SBNO2: variants seen among roughly 807,000 people sequenced by gnomAD.
SBNO2 encodes the protein strawberry notch homolog 2, also known as protein strawberry notch homolog 2.
A neutral mutation model predicts 146.3 loss-of-function variants in SBNO2; 89 were observed. The ratio of observed to expected loss-of-function variants is 0.61; its 90% CI spans 0.51 to 0.73. SBNO2 has a LOEUF of 0.73. Ranked by LOEUF, SBNO2 falls within the 30% of genes least tolerant of loss-of-function variation. The pLI is 0.00. For synonymous variants in SBNO2, 1,147 were observed against 892.6 expected (o/e 1.29, Z -5.08); for missense variants, 2,092 against 2,003.7 (o/e 1.04, Z -0.84).
Position 1,170,080 on chromosome 19 carries a change from G to A in SBNO2, c.-127+4092C>T, listed in dbSNP as rs538785490. Among the ~76,000 whole-genome samples, 606 of 152,308 alleles carry A rather than the reference G, an allele frequency of 4.0e-3. 7 individuals are homozygous for A. Among genetic ancestry groups the A allele is most frequent in the African/African-American group, 0.014 (577 of 41,568 alleles). ...GGAGTCACGTGCCGTGGCCTTTTGCGTCTGGCGTCTCTCCGCAAGCACGTC... is the reference window on the plus strand; with the variant it reads ...GGAGTCACGTGCCGTGGCCTTTTGCATCTGGCGTCTCTCCGCAAGCACGTC... On this transcript the variant is annotated intron_variant, in intron 1 of 31. Coordinates refer to ENST00000361757, the MANE Select transcript of SBNO2 (RefSeq NM_014963.3).
Position 1,108,079 on chromosome 19 carries a change from G to A in SBNO2, c.*141C>T. The stretch of plus-strand genomic sequence containing the variant: ...GCCAGGGCTGACCAGGTGGGGGCCC[G>A]GGTCGGGCGCTGAAGGCACTGCGGC... On this transcript the variant is annotated 3_prime_UTR_variant, in exon 32 of 32. Transcript: ENST00000361757. The A allele has an allele frequency of 1.0e-6, 1 of 977,662 alleles. No homozygotes were observed. The allele number at this position is 977,662 out of a possible 1,614,324, so 60.6% of individuals were successfully genotyped here.
rs1429592859 is a variant in SBNO2 at position 1,140,027 on chromosome 19, C to T, written c.279+7282G>A. Among the ~76,000 whole-genome samples, 2 of 152,066 alleles carry T rather than the reference C, an allele frequency of 1.3e-5. No individual in the cohort carries two copies. The highest frequency in any genetic ancestry group is 6.6e-5 in the Admixed American group (1 of 15,260). The stretch of plus-strand genomic sequence containing the variant: ...ATAAAGAAGAAATGCAGGCCGGGCG[C>T]GGTGGCTCACGCCTGTAATCCCAAT... On this transcript the variant is annotated intron_variant, in intron 4 of 31. Transcript: ENST00000361757. The surrounding 1 kb of genome is among the most constrained non-coding windows in gnomAD (Gnocchi z 4.4).
intron 14 of SBNO2, 135 bp from the exon 15 acceptor site, chr19:1,117,634 G>A (rs1312833059): frequency 1.5e-5 from 13 of 887,458 alleles, no homozygotes; most frequent in Non-Finnish European, 2.2e-5. Flanking sequence ...GGGGTGCTGG[G>A]GGTGTGCACT....
chr19:1,112,895 C>T lies in SBNO2; in HGVS notation c.2302G>A (p.Glu768Lys), dbSNP rs758776122. Residue 768 changes from glutamate to lysine, a missense_variant, in exon 20 of 32, where the codon GAG becomes AAG. Coordinates refer to ENST00000361757, the MANE Select transcript of SBNO2 (RefSeq NM_014963.3). The surrounding 1 kb of genome is among the most constrained non-coding windows in gnomAD (Gnocchi z 5.9). Reference sequence around the variant, plus strand: ...GACAGACCCTGCTCTGCCCGCGACTCGAAGGCCACCGTCCCGTCGGGCCTG... The same window carrying T: ...GACAGACCCTGCTCTGCCCGCGACTTGAAGGCCACCGTCCCGTCGGGCCTG... ...VSRPDGTVAF[E>K]SRAEQGLSID... 1.3e-6 allele frequency: 2 copies of T among 1,570,746 alleles called. No individual in the cohort carries two copies. Among genetic ancestry groups the T allele is most frequent in the South Asian group, 1.2e-5 (1 of 85,568 alleles).
intron 4 of SBNO2, among the ~76,000 whole-genome samples, chr19:1,130,036 C>T (rs1021951824): frequency 6.6e-6 from 1 of 152,188 alleles, no homozygotes; most frequent in Admixed American, 6.5e-5. Flanking sequence ...CCACACCACC[C>T]GACCAGCCCC....
chr19:1,172,797 A>C (rs2080493429), intron 1 of SBNO2, among the ~76,000 whole-genome samples: 3 of 36,460 alleles, frequency 8.2e-5, no homozygotes, highest in African/African-American at 3.6e-4. Context: ...GCCCCGGCAA[A>C]CTGGCAGCCA....
chr19:1,149,577 GT>G, intron 2 of SBNO2, 135 bp from the exon 3 acceptor site: 1 of 747,000 alleles, frequency 1.3e-6, no homozygotes, highest in East Asian at 2.7e-5. Flanking sequence ...GCCCCTGCTG[GT>G]ATCTCCTGGG....
rs2079712783 is a variant in SBNO2 at position 1,108,875 on chromosome 19, C to T, written c.3520G>A (p.Val1174Met). ...ATGACGGCGGCGATGCGGCCCCACA[C>T]GCGCAGCAGCGCGCCGCACAGCATG... ...HYMLCGALLR[V>M]WGRIAAVMAD... Residue 1174 changes from valine to methionine, a missense_variant, in exon 31 of 32, where the codon GTG becomes ATG. Physicochemically the swap from Val to Met is conservative, Grantham distance 21. Coordinates refer to ENST00000361757, the MANE Select transcript of SBNO2 (RefSeq NM_014963.3). 3 of 1,590,434 alleles carry T rather than the reference C, an allele frequency of 1.9e-6. No homozygotes were observed. Among genetic ancestry groups the T allele is most frequent in the Non-Finnish European group, 2.6e-6 (3 of 1,175,340 alleles).
intron 23 of SBNO2, 51 bp from the exon 24 acceptor site, chr19:1,111,665 T>C: frequency 7.1e-7 from 1 of 1,406,484 alleles, no homozygotes. Context: ...AGGCTGGCTT[T>C]CCCTGGACCC....
At chr19:1,115,121 A>T (rs1454744830) in intron 17 of SBNO2, among the ~76,000 whole-genome samples, 3 of 147,508 alleles carry the variant, frequency 2.0e-5, no homozygotes, top group Non-Finnish European at 4.5e-5. Context: ...GTAGAGATGG[A>T]GTTTCACCAT....
intron 1 of SBNO2, among the ~76,000 whole-genome samples, chr19:1,168,178 C>A (rs1184520202): frequency 6.6e-6 from 1 of 152,168 alleles, no homozygotes. Context: ...ATTCAAGCAT[C>A]CACACCCCCA....
intron 1 of SBNO2, among the ~76,000 whole-genome samples, chr19:1,171,789 G>A (rs760533301): frequency 7.9e-5 from 12 of 152,140 alleles, no homozygotes; most frequent in Admixed American, 5.9e-4. Context: ...GGTGGCTGGC[G>A]CAACCTCTCT....
At position 1,110,760 on chromosome 19, in the gene SBNO2, C is replaced by T; in HGVS notation, c.3013G>A (p.Asp1005Asn). ...CTGTGCTCACCCAGGATGCCCATGT[C>T]GTATTTGCCCTCCCGCTTGTCCATC... ...IEMDKREGKY[D>N]MGILDLAPGI... Residue 1005 changes from aspartate to asparagine, a missense_variant, in exon 26 of 32, where the codon GAC becomes AAC. By Grantham distance (23) the Asp-to-Asn change is conservative. Transcript: ENST00000361757. The surrounding 1 kb of genome is among the most constrained non-coding windows in gnomAD (Gnocchi z 4.9). 3 of 1,613,530 alleles carry T rather than the reference C, an allele frequency of 1.9e-6. No homozygotes were observed. Among genetic ancestry groups the T allele is most frequent in the Non-Finnish European group, 1.7e-6 (2 of 1,179,730 alleles).
At chr19:1,124,693 CT>C (rs1257046348) in intron 5 of SBNO2, among the ~76,000 whole-genome samples, 1 of 152,210 alleles carries the variant, frequency 6.6e-6, no homozygotes, top group Non-Finnish European at 1.5e-5. Flanking sequence ...ACACATCCCA[CT>C]GCGGCCCCAC....
rs1272069695 is a variant in SBNO2 at position 1,147,420 on chromosome 19, G to A, written c.168C>T (p.Arg56=). Residue 56 remains arginine (R), a splice_region_variant and synonymous_variant, in exon 4 of 32, where the codon CGC becomes CGT. Coordinates refer to ENST00000361757, the MANE Select transcript of SBNO2 (RefSeq NM_014963.3). ...PPYPAFSSDS[R]PFMSSASFLG... ...GGAAGGAGGCGGAGCTCATGAACGG[G>A]CTGGAGGGAGATGGGGGGGGGGGAG... The A allele has an allele frequency of 1.4e-6, 2 of 1,445,356 alleles. No homozygotes were observed. Among genetic ancestry groups the A allele is most frequent in the African/African-American group, 1.5e-5 (1 of 65,044 alleles). 89.5% of individuals were successfully genotyped at this position (1,445,356 alleles called of 1,614,324 possible). A position where few individuals can be genotyped will look rare whatever the true frequency, so the allele number is the denominator to read the frequency against.
chr19:1,146,120 G>A (rs2080187311), intron 4 of SBNO2, among the ~76,000 whole-genome samples: 1 of 152,164 alleles, frequency 6.6e-6, no homozygotes, highest in African/African-American at 2.4e-5. Flanking sequence ...TGTCTCTTCT[G>A]AGGACCCTTG....
chr19:1,152,171 T>TGGTGTCC (rs1231699153), intron 2 of SBNO2, among the ~76,000 whole-genome samples: 8 of 152,206 alleles, frequency 5.3e-5, no homozygotes, highest in Non-Finnish European at 5.9e-5. Flanking sequence ...GCCCTGTGGC[T>TGGTGTCC]GGTGTCCAGT....
At chr19:1,132,257 C>T in intron 4 of SBNO2, 1 of 1,310,422 alleles carries the variant, frequency 7.6e-7, no homozygotes. Context: ...GCTCTCCGCC[C>T]GGCTGCATTT....
At chr19:1,113,501 G>T in intron 19 of SBNO2, 34 bp downstream of exon 19, 2 of 1,458,910 alleles carry the variant, frequency 1.4e-6, no homozygotes, top group East Asian at 2.5e-5. Flanking sequence ...CCCATGCCCC[G>T]CCCACCACAC....
Sources: allele counts gnomAD v4.1 joint callset (sites outside exome capture counted in the v4.1 genomes callset), GRCh38; gene constraint gnomAD v4.1.1; non-coding constraint Gnocchi (gnomAD v3.1); transcripts MANE v1.5; gene names NCBI Gene and HGNC (gene_info 2026-07-23, HGNC 2026-07-21).